Variants in KCNA2 observed in about 807,000 individuals in gnomAD.
KCNA2 encodes potassium voltage-gated channel subfamily A member 2.
A neutral mutation model predicts 33.4 loss-of-function variants in KCNA2; 11 were observed. The observed-to-expected ratio is 0.33, with a 90% CI of 0.21 to 0.55. The LOEUF (loss-of-function observed/expected upper bound fraction) is 0.55. KCNA2 is among the 20% of genes least tolerant of loss of function. The pLI, the probability that KCNA2 is intolerant of heterozygous loss-of-function variation, is 0.93. For missense variants in KCNA2, 291 were observed against 621.6 expected, an observed-to-expected ratio of 0.47 and a Z score of 5.66; for synonymous variants, 222 against 231.3, an observed-to-expected ratio of 0.96 and a Z score of 0.37.
intron 1 of KCNA2, among the ~76,000 whole-genome samples, chr1:110,628,984 T>C (rs1216139446): frequency 6.6e-6 from 1 of 152,218 alleles, no homozygotes. Context: ...TGGTTTTACC[T>C]CTTTCTTGGC....
chr1:110,617,149 G>C (rs567402545), intron 1 of KCNA2, among the ~76,000 whole-genome samples: 1 of 152,188 alleles, frequency 6.6e-6, no homozygotes, highest in Non-Finnish European at 1.5e-5. Flanking sequence ...ATCTCACACT[G>C]TGTGAGGAGG....
At position 110,603,920 on chromosome 1, in the gene KCNA2, A is replaced by G. The variant is rs756582288; in HGVS notation, c.863T>C (p.Met288Thr). 3.7e-6 allele frequency: 6 copies of G among 1,614,232 alleles called. No homozygotes were observed. In the Admixed American group the frequency reaches 8.3e-5, roughly 22 times the overall value. ...GATGACACGGAGGATGGCCAGTGAC[A>G]TGGCCTGCTGGCCTTGCTGAGCGTC... ...PEDAQQGQQA[M>T]SLAILRVIRL... Residue 288 changes from methionine to threonine, a missense_variant, in exon 3 of 3, where the codon ATG (methionine) becomes ACG (threonine). Transcript: ENST00000316361. This position sits in a 1 kb window ranked among gnomAD's most constrained non-coding sequence, Gnocchi z 5.7.
In KCNA2 at chr1:110,600,229, G is replaced by T; in HGVS notation, c.*3054C>A. ...TGTATTGTGCGATATTTTTGGGCAT[G>T]TGTGCTATGTATCTTGTATGCCTAT... On this transcript the variant is annotated 3_prime_UTR_variant, in exon 3 of 3. Coordinates refer to ENST00000316361, the MANE Select transcript of KCNA2 (RefSeq NM_004974.4). 3.1e-6 allele frequency: 3 copies of T among 981,990 alleles called. No homozygotes were observed. Among genetic ancestry groups the T allele is most frequent in the Non-Finnish European group, 3.6e-6 (3 of 829,336 alleles). The allele number at this position is 981,990 out of a possible 1,614,324, so 60.8% of individuals were successfully genotyped here. A position where few individuals can be genotyped will look rare whatever the true frequency, so the allele number is the denominator to read the frequency against.
In KCNA2 at chr1:110,597,747, G is replaced by C. The variant is rs1649158377; in HGVS notation, c.*5536C>G. On this transcript the variant is annotated 3_prime_UTR_variant, in exon 3 of 3. Coordinates refer to ENST00000316361, the MANE Select transcript of KCNA2 (RefSeq NM_004974.4). ...ACTATCTATCACTTTTCAGTCCTGA[G>C]AGCAAGATTTTGAAAGAGCTATTGC... The C allele has an allele frequency of 1.0e-6, 1 of 985,208 alleles. No individual in the cohort carries two copies. Among genetic ancestry groups the C allele is most frequent in the African/African-American group, 1.7e-5 (1 of 57,224 alleles). The allele number at this position is 985,208 out of a possible 1,614,324, so 61.0% of individuals were successfully genotyped here. A position where few individuals can be genotyped will look rare whatever the true frequency, so the allele number is the denominator to read the frequency against.
chr1:110,599,314 A>T lies in KCNA2; in HGVS notation c.*3969T>A. 1 of 983,780 alleles carries T rather than the reference A, an allele frequency of 1.0e-6. No individual in the cohort carries two copies. The highest frequency in any genetic ancestry group is 1.2e-6 in the Non-Finnish European group (1 of 828,394). 60.9% of individuals were successfully genotyped at this position (983,780 alleles called of 1,614,324 possible). A position where few individuals can be genotyped will look rare whatever the true frequency, so the allele number is the denominator to read the frequency against. On this transcript the variant is annotated 3_prime_UTR_variant, in exon 3 of 3. Coordinates refer to ENST00000316361, the MANE Select transcript of KCNA2 (RefSeq NM_004974.4). ...TGGTGGGTAATCTTAGAAAGTATTT[A>T]AATATGGCCTTAGAATATAGGATAA... is the stretch of plus-strand genomic sequence containing the variant.
chr1:110,600,520 T>G lies in KCNA2; in HGVS notation c.*2763A>C. Reference sequence around the variant, plus strand: ...TATATCTTCTGTGTTTGCTTTTATGTTAACCTGGTCTGTCTGTATTTTGCA... The same window carrying G: ...TATATCTTCTGTGTTTGCTTTTATGGTAACCTGGTCTGTCTGTATTTTGCA... On this transcript the variant is annotated 3_prime_UTR_variant, in exon 3 of 3. Coordinates refer to ENST00000316361, the MANE Select transcript of KCNA2 (RefSeq NM_004974.4). 1.0e-6 allele frequency: 1 copy of G among 985,326 alleles called. No individual in the cohort carries two copies. The highest frequency in any genetic ancestry group is 1.2e-6 in the Non-Finnish European group (1 of 829,878). 61.0% of individuals were successfully genotyped at this position (985,326 alleles called of 1,614,324 possible).
chr1:110,626,940 T>TGATGAC (rs1425156501), intron 1 of KCNA2, among the ~76,000 whole-genome samples: 1 of 152,246 alleles, frequency 6.6e-6, no homozygotes, highest in African/African-American at 2.4e-5. Context: ...AAGAAGAATG[T>TGATGAC]GATGACGATG....
Position 110,620,363 on chromosome 1 carries a change from T to A in KCNA2, c.-496+11032A>T, listed in dbSNP as rs1426691792. Among the ~76,000 whole-genome samples the A allele has an allele frequency of 3.3e-5, 5 of 152,230 alleles. No homozygotes were observed. The East Asian group carries it at 9.7e-4, about 29-fold the overall frequency. Reference sequence around the variant, plus strand: ...ATCACCGCCCCATCCACAGCCCAGGTCTTCCTGTTGTTTTGTGGTCTACTG... The same window carrying A: ...ATCACCGCCCCATCCACAGCCCAGGACTTCCTGTTGTTTTGTGGTCTACTG... On this transcript the variant is annotated intron_variant, in intron 1 of 4. Coordinates refer to the KCNA2 transcript ENST00000369770.
Position 110,599,868 on chromosome 1 carries a change from A to G in KCNA2, c.*3415T>C, listed in dbSNP as rs915731358. ...GAAGGGTCATGGCAAGGAGGCCTAT[A>G]TTAGGCTACCAGCTGTCCCAGGTAC... On this transcript the variant is annotated 3_prime_UTR_variant, in exon 3 of 3. Coordinates refer to ENST00000316361, the MANE Select transcript of KCNA2 (RefSeq NM_004974.4). 3 of 985,276 alleles carry G rather than the reference A, an allele frequency of 3.0e-6. No individual in the cohort carries two copies. The African/African-American group carries it at 5.2e-5, about 17-fold the overall frequency. 61.0% of individuals were successfully genotyped at this position (985,276 alleles called of 1,614,324 possible).
At chr1:110,610,823 T>G (rs559893981), upstream of KCNA2, among the ~76,000 whole-genome samples, 34 of 152,266 alleles carry the variant, frequency 2.2e-4, no homozygotes, top group African/African-American at 7.5e-4. Flanking sequence ...ACTGAGGGAC[T>G]TGAGGCAGTG....
Position 110,597,265 on chromosome 1 carries a change from A to C in KCNA2, c.*6018T>G, listed in dbSNP as rs757499099. The C allele has an allele frequency of 7.0e-5, 69 of 985,476 alleles. No homozygotes were observed. The Middle Eastern group carries it at 1.6e-3, about 22-fold the overall frequency. The allele number at this position is 985,476 out of a possible 1,614,324, so 61.0% of individuals were successfully genotyped here. ...AGGGAGAAGGGGAAGCAAAAGGATC[A>C]AGTAATGGCTTTTAGTGCATGGAAA... On this transcript the variant is annotated 3_prime_UTR_variant, in exon 3 of 3. Transcript: ENST00000316361.
At chr1:110,626,105 T>C (rs1265061833) in intron 1 of KCNA2, among the ~76,000 whole-genome samples, 1 of 152,218 alleles carries the variant, frequency 6.6e-6, no homozygotes, top group Non-Finnish European at 1.5e-5. Context: ...TCCAGGAATT[T>C]ATTCTATGAA....
chr1:110,619,818 C>T (rs1406560757), intron 1 of KCNA2, among the ~76,000 whole-genome samples: 1 of 152,176 alleles, frequency 6.6e-6, no homozygotes, highest in Non-Finnish European at 1.5e-5. Flanking sequence ...CCTCCCCTTC[C>T]GCATTCTAAA....
chr1:110,625,978 C>A (rs373888144), intron 1 of KCNA2, among the ~76,000 whole-genome samples: 1 of 152,058 alleles, frequency 6.6e-6, no homozygotes, highest in South Asian at 2.1e-4. Context: ...AAGAAACAGG[C>A]CCTCTCATTC....
intron 1 of KCNA2, among the ~76,000 whole-genome samples, chr1:110,616,056 T>G (rs1170425660): frequency 6.6e-6 from 1 of 152,160 alleles, no homozygotes; most frequent in East Asian, 1.9e-4. Flanking sequence ...GCCTTGAGGA[T>G]GTGGTATAGG....
At position 110,600,815 on chromosome 1, in the gene KCNA2, C is replaced by A. The variant is rs1231157030; in HGVS notation, c.*2468G>T. ...TTTGTGCTGGGCATGGGATGCCCTG[C>A]AGATACCTGGGGATGTGGGTGACCA... On this transcript the variant is annotated 3_prime_UTR_variant, in exon 3 of 3. Coordinates refer to ENST00000316361, the MANE Select transcript of KCNA2 (RefSeq NM_004974.4). 5 of 985,304 alleles carry A rather than the reference C, an allele frequency of 5.1e-6. No homozygotes were observed. The highest frequency in any genetic ancestry group is 6.0e-6 in the Non-Finnish European group (5 of 829,942). The allele number at this position is 985,304 out of a possible 1,614,324, so 61.0% of individuals were successfully genotyped here.
chr1:110,612,633 T>A (rs1649912876), intron 1 of KCNA2, among the ~76,000 whole-genome samples: 1 of 152,206 alleles, frequency 6.6e-6, no homozygotes, highest in Non-Finnish European at 1.5e-5. Context: ...CTTGTTCCCC[T>A]CTGGTCTCTT....
intron 1 of KCNA2, among the ~76,000 whole-genome samples, chr1:110,628,588 G>A (rs1449902735): frequency 6.6e-6 from 1 of 152,210 alleles, no homozygotes; most frequent in Non-Finnish European, 1.5e-5. Context: ...CCTGATGGGG[G>A]CCTTGTCCAG....
In KCNA2 at chr1:110,600,729, C is replaced by T; in HGVS notation, c.*2554G>A. On this transcript the variant is annotated 3_prime_UTR_variant, in exon 3 of 3. Coordinates refer to ENST00000316361, the MANE Select transcript of KCNA2 (RefSeq NM_004974.4). ...TTTCCAAAGATCTGTGTCCCTCCCA[C>T]CCCATGCCTTGGAAATTCAGCACCA... 1 of 985,430 alleles carries T rather than the reference C, an allele frequency of 1.0e-6. No homozygotes were observed. Among genetic ancestry groups the T allele is most frequent in the Non-Finnish European group, 1.2e-6 (1 of 829,942 alleles). The allele number at this position is 985,430 out of a possible 1,614,324, so 61.0% of individuals were successfully genotyped here.
Sources: allele counts gnomAD v4.1 joint callset (sites outside exome capture counted in the v4.1 genomes callset), GRCh38; gene constraint gnomAD v4.1.1; non-coding constraint Gnocchi (gnomAD v3.1); transcripts MANE v1.5; gene names NCBI Gene and HGNC (gene_info 2026-07-23, HGNC 2026-07-21).